The following CACNB2 variants were observed in gnomAD, a reference collection of about 807,000 sequenced individuals.
The protein encoded by CACNB2 is calcium voltage-gated channel auxiliary subunit beta 2, also known as voltage-dependent L-type calcium channel subunit beta-2.
A neutral mutation model predicts 73.3 loss-of-function variants in CACNB2; 42 were observed. The observed-to-expected ratio is 0.57, with a 90% confidence interval of 0.45 to 0.74. The LOEUF (loss-of-function observed/expected upper bound fraction) is 0.74. CACNB2 is among the 30% of genes least tolerant of loss of function. The probability of loss-of-function intolerance (pLI) is 0.00; values close to 1 mark genes in which losing one functional copy is unlikely to be tolerated. For synonymous variants in CACNB2, 348 were observed against 310.3 expected, an observed-to-expected ratio of 1.12 and a Z score of -1.28; for missense variants, 940 against 853.0, an observed-to-expected ratio of 1.10 and a Z score of -1.27.
chr10:18,307,178 T>C (rs2039762862), intron 2 of CACNB2, among the ~76,000 whole-genome samples: 1 of 152,166 alleles, frequency 6.6e-6, no homozygotes, highest in Non-Finnish European at 1.5e-5. Context: ...ATGCCATTCT[T>C]TTAGGGCCGG....
intron 3 of CACNB2, among the ~76,000 whole-genome samples, chr10:18,469,595 T>C (rs191074724): frequency 4.8e-4 from 73 of 152,324 alleles, no homozygotes; most frequent in African/African-American, 1.7e-3. Context: ...GGGTGGTTCT[T>C]AGGAAAACTT....
intron 2 of CACNB2, among the ~76,000 whole-genome samples, chr10:18,155,404 G>C (rs1365892233): frequency 6.6e-6 from 1 of 152,154 alleles, no homozygotes; most frequent in East Asian, 1.9e-4. Flanking sequence ...TGGTTTGTTG[G>C]TGTGATTTTA....
intron 2 of CACNB2, among the ~76,000 whole-genome samples, chr10:18,368,316 GA>G (rs949038261): frequency 1.3e-5 from 2 of 152,016 alleles, no homozygotes; most frequent in Admixed American, 6.6e-5. Flanking sequence ...TGGCAATATG[GA>G]AAAAAACTTT....
At chr10:18,284,790 G>A (rs1019170442) in intron 2 of CACNB2, among the ~76,000 whole-genome samples, 1 of 151,566 alleles carries the variant, frequency 6.6e-6, no homozygotes, top group Non-Finnish European at 1.5e-5. Flanking sequence ...GAAATGTGAA[G>A]GGTATAAAAA....
intron 3 of CACNB2, among the ~76,000 whole-genome samples, chr10:18,402,852 T>A (rs1230295490): frequency 1.3e-5 from 2 of 152,160 alleles, no homozygotes; most frequent in Non-Finnish European, 2.9e-5. Flanking sequence ...TTGAAAAACT[T>A]GTTTTGAAAA....
intron 2 of CACNB2, among the ~76,000 whole-genome samples, chr10:18,282,489 A>G: frequency 6.6e-6 from 1 of 152,224 alleles, no homozygotes; most frequent in Non-Finnish European, 1.5e-5. Context: ...ACCAGTAGTC[A>G]TTTAAAGTCT....
chr10:18,461,349 G>C (rs545865583), intron 3 of CACNB2, among the ~76,000 whole-genome samples: 16 of 152,128 alleles, frequency 1.1e-4, no homozygotes, highest in Non-Finnish European at 1.6e-4. Flanking sequence ...TGCTGTAACA[G>C]ATCACTCTCT....
At position 18,499,637 on chromosome 10, in the gene CACNB2, A is replaced by G. The variant is rs4590761; in HGVS notation, c.456+1160A>G. Among the ~76,000 whole-genome samples the G allele has an allele frequency of 2.1e-3, 197 of 92,522 alleles. 1 individual carries two copies. The highest frequency in any genetic ancestry group is 2.4e-3 in the South Asian group (8 of 3,306). The allele number at this position is 92,522 out of a possible 152,430, so 60.7% of individuals were successfully genotyped here. A position where few individuals can be genotyped will look rare whatever the true frequency, so the allele number is the denominator to read the frequency against. ...TCAAAGAAAAAAAAAAAAAAAAAAA[A>G]AAGAACCTAGAAGCCTGGGTACTAT... On this transcript the variant is annotated intron_variant, in intron 4 of 13. Coordinates refer to ENST00000324631, the MANE Select transcript of CACNB2 (RefSeq NM_201596.3).
intron 3 of CACNB2, among the ~76,000 whole-genome samples, chr10:18,443,016 A>ATATATATG: frequency 1.7e-5 from 1 of 60,110 alleles, no homozygotes; most frequent in Non-Finnish European, 3.6e-5. Flanking sequence ...ATATATATGT[A>ATATATATG]TATATATATA....
Position 18,419,754 on chromosome 10 carries a change from G to A in CACNB2, c.333+17711G>A, listed in dbSNP as rs570201186. On this transcript the variant is annotated intron_variant, in intron 3 of 13. Transcript: ENST00000324631. ...ATCCTCAGAAAGAAAGGGGAGGAAT[G>A]TCCCTATCTTAAATGGAATGCTGGC... Among the ~76,000 whole-genome samples, 11 of 152,318 alleles carry A rather than the reference G, an allele frequency of 7.2e-5. No homozygotes were observed. In the East Asian group the frequency reaches 1.9e-3, roughly 27 times the overall value.
chr10:18,152,371 G>A (rs1384463216), intron 2 of CACNB2, among the ~76,000 whole-genome samples: 1 of 152,094 alleles, frequency 6.6e-6, no homozygotes. Flanking sequence ...AGCTTTTTTG[G>A]TTAGAAACAT....
chr10:18,317,612 A>G (rs1176858537), intron 2 of CACNB2, among the ~76,000 whole-genome samples: 1 of 152,102 alleles, frequency 6.6e-6, no homozygotes, highest in African/African-American at 2.4e-5. Flanking sequence ...TATATGTATC[A>G]CATTTTCTTT....
intron 2 of CACNB2, among the ~76,000 whole-genome samples, chr10:18,396,070 C>T (rs1026062623): frequency 6.6e-6 from 1 of 152,120 alleles, no homozygotes; most frequent in Non-Finnish European, 1.5e-5. Flanking sequence ...GATTCTCCTG[C>T]CTCAGCCTCC....
At chr10:18,433,225 C>G (rs2045975553) in intron 3 of CACNB2, among the ~76,000 whole-genome samples, 1 of 152,132 alleles carries the variant, frequency 6.6e-6, no homozygotes, top group Non-Finnish European at 1.5e-5. Flanking sequence ...TAGAGTATTT[C>G]ATGCAAGGGG....
chr10:18,421,878 C>T (rs886880868), intron 3 of CACNB2, among the ~76,000 whole-genome samples: 5 of 152,274 alleles, frequency 3.3e-5, no homozygotes, highest in African/African-American at 1.2e-4. Context: ...TATTCCTTTG[C>T]TCTCAGATAC....
chr10:18,163,446 C>T (rs2032618497), intron 2 of CACNB2, among the ~76,000 whole-genome samples: 1 of 152,116 alleles, frequency 6.6e-6, no homozygotes, highest in African/African-American at 2.4e-5. Context: ...TGATTCTAGA[C>T]CCTTAGTGCA....
intron 2 of CACNB2, among the ~76,000 whole-genome samples, chr10:18,283,307 A>T (rs2038634943): frequency 6.6e-6 from 1 of 152,200 alleles, no homozygotes; most frequent in Non-Finnish European, 1.5e-5. Context: ...TGACCCAACC[A>T]TCCCATTACT....
intron 2 of CACNB2, among the ~76,000 whole-genome samples, chr10:18,282,689 C>CT (rs2131707715): frequency 6.6e-6 from 1 of 152,198 alleles, no homozygotes; most frequent in South Asian, 2.1e-4. Context: ...CAAGGAGTTG[C>CT]TTTTTTTAAG....
chr10:18,232,651 T>C (rs1238106854), intron 2 of CACNB2, among the ~76,000 whole-genome samples: 1 of 152,228 alleles, frequency 6.6e-6, no homozygotes, highest in Non-Finnish European at 1.5e-5. Context: ...AGCCACGTTA[T>C]GTCAGCTGTG....
Sources: allele counts gnomAD v4.1 joint callset (sites outside exome capture counted in the v4.1 genomes callset), GRCh38; gene constraint gnomAD v4.1.1; transcripts MANE v1.5; gene names NCBI Gene and HGNC (gene_info 2026-07-23, HGNC 2026-07-21).